ARL14: variants seen among roughly 807,000 people sequenced by gnomAD.
ARL14 encodes ADP-ribosylation factor-like protein 14.
A neutral mutation model predicts 1.1 loss-of-function variants in ARL14; 3 were observed. That is an observed-to-expected ratio of 2.82 (90% CI 1.28 to 7.28). The LOEUF (loss-of-function observed/expected upper bound fraction) is 7.28, where lower values mean the gene tolerates loss of function less well. Ranked by LOEUF, ARL14 falls within the 30% of genes most tolerant of loss-of-function variation. ARL14 has a pLI of 0.01. For missense variants in ARL14, 264 were observed against 223.8 expected, an observed-to-expected ratio of 1.18 and a Z score of -1.15; for synonymous variants, 99 against 84.6, an observed-to-expected ratio of 1.17 and a Z score of -0.93.
Position 160,678,203 on chromosome 3 carries a change from C to T in ARL14, c.*278C>T, listed in dbSNP as rs187349823. The T allele has an allele frequency of 1.7e-4, 53 of 305,252 alleles. 1 individual carries two copies. The highest frequency in any genetic ancestry group is 1.3e-4 in the African/African-American group (6 of 46,860). 18.9% of individuals were successfully genotyped at this position (305,252 alleles called of 1,614,324 possible). On this transcript the variant is annotated 3_prime_UTR_variant, in exon 1 of 1. Transcript: ENST00000320767. ...TGGATGACTTTGAATATAGTAGTGA[C>T]ACTTGGGACCAAATAAATTATTTTA... is the stretch of plus-strand genomic sequence containing the variant.
At position 160,677,740 on chromosome 3, in the gene ARL14, A is replaced by G. The variant is rs1006387056; in HGVS notation, c.394A>G (p.Thr132Ala). The change falls in exon 1 of 1, where the codon ACT becomes GCT. Residue 132 changes from threonine to alanine, a missense_variant. Coordinates refer to ENST00000320767, the MANE Select transcript of ARL14 (RefSeq NM_025047.3). ...ANKQDMPGAL[T>A]AEDITRMFKV... ...CAAACAAGACATGCCTGGAGCTCTG[A>G]CTGCTGAGGACATCACCAGAATGTT... The G allele has an allele frequency of 6.2e-7, 1 of 1,614,150 alleles. No homozygotes were observed. Among genetic ancestry groups the G allele is most frequent in the African/African-American group, 1.3e-5 (1 of 75,032 alleles).
chr3:160,677,170 A>G lies in ARL14; in HGVS notation c.-177A>G. The G allele has an allele frequency of 1.8e-6, 1 of 566,418 alleles. No homozygotes were observed. Among genetic ancestry groups the G allele is most frequent in the Non-Finnish European group, 3.0e-6 (1 of 335,794 alleles). The allele number at this position is 566,418 out of a possible 1,614,324, so 35.1% of individuals were successfully genotyped here. A position where few individuals can be genotyped will look rare whatever the true frequency, so the allele number is the denominator to read the frequency against. ...GCCCATAATCAAGTTGATAAGCTAC[A>G]ACATAAACACATCTAGGTTCTTGTT... On this transcript the variant is annotated 5_prime_UTR_variant, in exon 1 of 1. Transcript: ENST00000320767.
rs371677516 is a variant in ARL14 at position 160,677,936 on chromosome 3, A to C, written c.*11A>C. The C allele has an allele frequency of 1.6e-5, 26 of 1,590,628 alleles. No homozygotes were observed. In the African/African-American group the frequency reaches 3.4e-4, roughly 21 times the overall value. On this transcript the variant is annotated 3_prime_UTR_variant, in exon 1 of 1. Transcript: ENST00000320767. The stretch of plus-strand genomic sequence containing the variant: ...TTCAAGCAGAACTGAGGCTGCGAAA[A>C]ATCCAAGTCTCTACAGAGACACTGA...
chr3:160,677,966 G>T lies in ARL14; in HGVS notation c.*41G>T. 2.6e-6 allele frequency: 4 copies of T among 1,510,652 alleles called. No homozygotes were observed. The highest frequency in any genetic ancestry group is 3.6e-6 in the Non-Finnish European group (4 of 1,120,352). The allele number at this position is 1,510,652 out of a possible 1,614,324, so 93.6% of individuals were successfully genotyped here. On this transcript the variant is annotated 3_prime_UTR_variant, in exon 1 of 1. Transcript: ENST00000320767. ...AAGTCTCTACAGAGACACTGATGAA[G>T]TTGAAAGGGTAATTGTTTTTCCATG...
rs756894023 is a variant in ARL14, at chr3:160,677,569, T to G, written c.223T>G (p.Trp75Gly). Residue 75 changes from tryptophan to glycine, a missense_variant, in exon 1 of 1, where the codon TGG becomes GGG. Coordinates refer to ENST00000320767, the MANE Select transcript of ARL14 (RefSeq NM_025047.3). ...AGGACAGGAAAAAATGAGAACTGTTTGGGGCTGTTACTGTGAGAACACCGA... is the reference window on the plus strand; with the variant it reads ...AGGACAGGAAAAAATGAGAACTGTTGGGGGCTGTTACTGTGAGAACACCGA... The part of the protein sequence containing the change: ...VGGQEKMRTV[W>G]GCYCENTDGL... The G allele has an allele frequency of 3.1e-6, 5 of 1,613,906 alleles. No homozygotes were observed. The South Asian group carries it at 5.5e-5, about 18-fold the overall frequency.
chr3:160,677,983 T>C lies in ARL14; in HGVS notation c.*58T>C. 6 of 1,439,506 alleles carry C rather than the reference T, an allele frequency of 4.2e-6. No individual in the cohort carries two copies. In the Middle Eastern group the frequency reaches 5.5e-4, roughly 131 times the overall value. 89.2% of individuals were successfully genotyped at this position (1,439,506 alleles called of 1,614,324 possible). ...CTGATGAAGTTGAAAGGGTAATTGTTTTTCCATGCCAAATGAGGAAATCAA... is the reference window on the plus strand; with the variant it reads ...CTGATGAAGTTGAAAGGGTAATTGTCTTTCCATGCCAAATGAGGAAATCAA... On this transcript the variant is annotated 3_prime_UTR_variant, in exon 1 of 1. Coordinates refer to ENST00000320767, the MANE Select transcript of ARL14 (RefSeq NM_025047.3).
At position 160,677,578 on chromosome 3, in the gene ARL14, T is replaced by A; in HGVS notation, c.232T>A (p.Tyr78Asn). The A allele has an allele frequency of 6.2e-7, 1 of 1,613,890 alleles. No homozygotes were observed. Among genetic ancestry groups the A allele is most frequent in the Middle Eastern group, 1.7e-4 (1 of 6,060 alleles). ...AAAAATGAGAACTGTTTGGGGCTGT[T>A]ACTGTGAGAACACCGATGGGCTGGT... ...QEKMRTVWGC[Y>N]CENTDGLVYV... The change falls in exon 1 of 1, where the codon TAC becomes AAC. Residue 78 changes from tyrosine to asparagine, a missense_variant. Physicochemically the swap from Tyr to Asn is moderately radical, Grantham distance 143. Transcript: ENST00000320767.
In ARL14 at chr3:160,677,305, A is replaced by AAAGAAAG. The variant is rs757755203; in HGVS notation, c.-40_-39insGAAAGAA. On this transcript the variant is annotated 5_prime_UTR_variant, in exon 1 of 1. It removes the in-frame stop codon of an upstream open reading frame in the 5' UTR. Transcript: ENST00000320767. ...CCATTCGAAGAAAGAAAGAAAGAAA[A>AAAGAAAG]AAAAAAAAGGTATTTAGAGACAGAG... 1.5e-5 allele frequency: 22 copies of AAAGAAAG among 1,476,852 alleles called. No homozygotes were observed. The South Asian group carries it at 2.0e-4, about 14-fold the overall frequency. 91.5% of individuals were successfully genotyped at this position (1,476,852 alleles called of 1,614,324 possible). A position where few individuals can be genotyped will look rare whatever the true frequency, so the allele number is the denominator to read the frequency against.
Position 160,677,590 on chromosome 3 carries a change from A to C in ARL14, c.244A>C (p.Thr82Pro). 1 of 1,613,908 alleles carries C rather than the reference A, an allele frequency of 6.2e-7. No individual in the cohort carries two copies. Among genetic ancestry groups the C allele is most frequent in the Non-Finnish European group, 8.5e-7 (1 of 1,179,770 alleles). ...TGTTTGGGGCTGTTACTGTGAGAAC[A>C]CCGATGGGCTGGTGTATGTTGTGGA... is the stretch of plus-strand genomic sequence containing the variant. ...RTVWGCYCEN[T>P]DGLVYVVDST... is the part of the protein sequence containing the mutation. Residue 82 changes from threonine (T) to proline (P), a missense_variant, in exon 1 of 1, where the codon ACC becomes CCC. Thr to Pro is a conservative substitution (Grantham distance 38). Transcript: ENST00000320767.
rs769619944 is a variant in ARL14, at chr3:160,677,801, A to C, written c.455A>C (p.Tyr152Ser). 6.2e-6 allele frequency: 10 copies of C among 1,614,080 alleles called. No individual in the cohort carries two copies. The highest frequency in any genetic ancestry group is 8.5e-6 in the Non-Finnish European group (10 of 1,179,972). The change falls in exon 1 of 1, where the codon TAT (tyrosine) becomes TCT (serine). Residue 152 changes from tyrosine to serine, a missense_variant. Tyr to Ser is a moderately radical substitution (Grantham distance 144). Transcript: ENST00000320767. ...AAGCTTTGCAGTGACCGGAACTGGT[A>C]TGTGCAACCCTGCTGTGCCCTCACA... ...VKKLCSDRNW[Y>S]VQPCCALTGE... is the part of the protein sequence containing the mutation.
chr3:160,677,456 A>T lies in ARL14; in HGVS notation c.110A>T (p.Lys37Met). ...CTCCTTTATAAATTAAAGCTTGCTA[A>T]GGATATTACCACCATCCCTACAATA... ...STLLYKLKLA[K>M]DITTIPTIGF... The change falls in exon 1 of 1, where the codon AAG becomes ATG. Residue 37 changes from lysine to methionine, a missense_variant. Physicochemically the swap from Lys to Met is moderately conservative, Grantham distance 95. Coordinates refer to ENST00000320767, the MANE Select transcript of ARL14 (RefSeq NM_025047.3). 1 of 1,614,136 alleles carries T rather than the reference A, an allele frequency of 6.2e-7. No homozygotes were observed.
chr3:160,677,379 C>A lies in ARL14; in HGVS notation c.33C>A (p.Thr11=), dbSNP rs149008200. The A allele has an allele frequency of 4.5e-4, 710 of 1,592,732 alleles. No homozygotes were observed. The highest frequency in any genetic ancestry group is 5.8e-4 in the Non-Finnish European group (683 of 1,168,920). ...CGCTGGGTTCTAAAAATCCGCAAAC[C>A]AAACAAGCCCAAGTTCTTCTTTTGG... MGSLGSKNPQ[T]KQAQVLLLGL... The change falls in exon 1 of 1, where the codon ACC becomes ACA. Residue 11 remains threonine, a synonymous_variant. Transcript: ENST00000320767.
In ARL14 at chr3:160,677,630, A is replaced by G. The variant is rs1713275610; in HGVS notation, c.284A>G (p.Gln95Arg). Residue 95 changes from glutamine to arginine, a missense_variant, in exon 1 of 1, where the codon CAG becomes CGG. Physicochemically the swap from Gln to Arg is conservative, Grantham distance 43. Coordinates refer to ENST00000320767, the MANE Select transcript of ARL14 (RefSeq NM_025047.3). ...LVYVVDSTDK[Q>R]RLEESQRQFE... is the part of the protein sequence containing the mutation. Reference sequence around the variant, plus strand: ...TATGTTGTGGACAGTACAGACAAACAGCGACTGGAAGAGTCTCAGAGACAG... The same window carrying G: ...TATGTTGTGGACAGTACAGACAAACGGCGACTGGAAGAGTCTCAGAGACAG... The G allele has an allele frequency of 6.2e-7, 1 of 1,614,226 alleles. No individual in the cohort carries two copies. The highest frequency in any genetic ancestry group is 1.3e-5 in the African/African-American group (1 of 75,062).
Position 160,678,177 on chromosome 3 carries a change from T to C in ARL14, c.*252T>C, listed in dbSNP as rs1299425440. 1.0e-5 allele frequency: 4 copies of C among 398,036 alleles called. No homozygotes were observed. The highest frequency in any genetic ancestry group is 3.5e-5 in the South Asian group (1 of 28,626). 24.7% of individuals were successfully genotyped at this position (398,036 alleles called of 1,614,324 possible). On this transcript the variant is annotated 3_prime_UTR_variant, in exon 1 of 1. Coordinates refer to ENST00000320767, the MANE Select transcript of ARL14 (RefSeq NM_025047.3). ...ATGTTCTACAATTTTTGTTATCACA[T>C]TGGATGACTTTGAATATAGTAGTGA...
Position 160,677,978 on chromosome 3 carries a change from A to T in ARL14, c.*53A>T. On this transcript the variant is annotated 3_prime_UTR_variant, in exon 1 of 1. Coordinates refer to ENST00000320767, the MANE Select transcript of ARL14 (RefSeq NM_025047.3). ...AGACACTGATGAAGTTGAAAGGGTA[A>T]TTGTTTTTCCATGCCAAATGAGGAA... The T allele has an allele frequency of 6.8e-7, 1 of 1,476,742 alleles. No individual in the cohort carries two copies. The highest frequency in any genetic ancestry group is 1.4e-5 in the African/African-American group (1 of 70,980). 91.5% of individuals were successfully genotyped at this position (1,476,742 alleles called of 1,614,324 possible).
At position 160,677,972 on chromosome 3, in the gene ARL14, A is replaced by G. The variant is rs1348794826; in HGVS notation, c.*47A>G. On this transcript the variant is annotated 3_prime_UTR_variant, in exon 1 of 1. Transcript: ENST00000320767. ...CTACAGAGACACTGATGAAGTTGAAAGGGTAATTGTTTTTCCATGCCAAAT... is the reference window on the plus strand; with the variant it reads ...CTACAGAGACACTGATGAAGTTGAAGGGGTAATTGTTTTTCCATGCCAAAT... 2.0e-6 allele frequency: 3 copies of G among 1,496,958 alleles called. No homozygotes were observed. The highest frequency in any genetic ancestry group is 2.7e-6 in the Non-Finnish European group (3 of 1,112,156). 92.7% of individuals were successfully genotyped at this position (1,496,958 alleles called of 1,614,324 possible).
Position 160,677,552 on chromosome 3 carries a change from A to C in ARL14, c.206A>C (p.Glu69Ala), listed in dbSNP as rs1713270113. The change falls in exon 1 of 1, where the codon GAA becomes GCA. Residue 69 changes from glutamate to alanine, a missense_variant. Physicochemically the swap from Glu to Ala is moderately radical, Grantham distance 107. Coordinates refer to ENST00000320767, the MANE Select transcript of ARL14 (RefSeq NM_025047.3). ...ACAGTCTGGGATGTTGGAGGACAGGAAAAAATGAGAACTGTTTGGGGCTGT... is the reference window on the plus strand; with the variant it reads ...ACAGTCTGGGATGTTGGAGGACAGGCAAAAATGAGAACTGTTTGGGGCTGT... ...SLTVWDVGGQ[E>A]KMRTVWGCYC... 6.2e-7 allele frequency: 1 copy of C among 1,613,890 alleles called. No homozygotes were observed. Among genetic ancestry groups the C allele is most frequent in the African/African-American group, 1.3e-5 (1 of 74,912 alleles).
In ARL14 at chr3:160,677,477, C is replaced by T. The variant is rs772811944; in HGVS notation, c.131C>T (p.Thr44Ile). ...KLAKDITTIPTIGFNVEMIEL... is the reference protein window; with the variant it reads ...KLAKDITTIPIIGFNVEMIEL... Reference sequence around the variant, plus strand: ...GCTAAGGATATTACCACCATCCCTACAATAGGTTTCAATGTGGAAATGATC... The same window carrying T: ...GCTAAGGATATTACCACCATCCCTATAATAGGTTTCAATGTGGAAATGATC... The change falls in exon 1 of 1, where the codon ACA (threonine) becomes ATA (isoleucine). Residue 44 changes from threonine (T) to isoleucine (I), a missense_variant. Transcript: ENST00000320767. 9 of 1,614,070 alleles carry T rather than the reference C, an allele frequency of 5.6e-6. No homozygotes were observed. The highest frequency in any genetic ancestry group is 6.8e-6 in the Non-Finnish European group (8 of 1,180,030).
At position 160,678,419 on chromosome 3, in the gene ARL14, C is replaced by T. The variant is rs1713302499; in HGVS notation, c.*494C>T. 5.9e-6 allele frequency: 1 copy of T among 168,142 alleles called. No homozygotes were observed. Among genetic ancestry groups the T allele is most frequent in the Non-Finnish European group, 1.5e-5 (1 of 68,890 alleles). The allele number at this position is 168,142 out of a possible 1,614,324, so 10.4% of individuals were successfully genotyped here. ...TTAATATCTTGTAAATTCGTATTCC[C>T]TATTAAATAAAGCTTTCTTATTCCC... is the stretch of plus-strand genomic sequence containing the variant. On this transcript the variant is annotated 3_prime_UTR_variant, in exon 1 of 1. Transcript: ENST00000320767.
Sources: allele counts gnomAD v4.1 joint callset, GRCh38; gene constraint gnomAD v4.1.1; transcripts MANE v1.5; gene names NCBI Gene and HGNC (gene_info 2026-07-23, HGNC 2026-07-21).